HCK: variants seen among roughly 807,000 people sequenced by gnomAD.
HCK encodes tyrosine-protein kinase HCK.
Under a neutral mutation model 70.4 loss-of-function variants are expected in HCK, and 40 were observed. The ratio of observed to expected loss-of-function variants is 0.57; its 90% confidence interval spans 0.44 to 0.74. The LOEUF (loss-of-function observed/expected upper bound fraction) is 0.74. Among genes scored for constraint, HCK ranks in the 30% least tolerant of loss-of-function variants. The pLI is 0.00. For missense variants in HCK, 568 were observed against 697.2 expected (o/e 0.81, Z 2.09); for synonymous variants, 245 against 263.2 (o/e 0.93, Z 0.67).
chr20:32,071,547 G>A lies in HCK; in HGVS notation c.63-115G>A, dbSNP rs78139418. On this transcript the variant is annotated intron_variant, in intron 1 of 12. Transcript: ENST00000375852. The stretch of plus-strand genomic sequence containing the variant: ...TGGAGCTGGCAGGGGAGTTAAGACC[G>A]GGAAGGCCAGTGGGAGCCAGCCCGG... The A allele has an allele frequency of 4.4e-3, 5,851 of 1,336,092 alleles. 142 individuals carry two copies. In the African/African-American group the frequency reaches 0.053, roughly 12 times the overall value. 82.8% of individuals were successfully genotyped at this position (1,336,092 alleles called of 1,614,324 possible). A position where few individuals can be genotyped will look rare whatever the true frequency, so the allele number is the denominator to read the frequency against.
At chr20:32,088,188 G>A (rs2045816386) in intron 9 of HCK, among the ~76,000 whole-genome samples, 1 of 152,172 alleles carries the variant, frequency 6.6e-6, no homozygotes, top group East Asian at 1.9e-4. Flanking sequence ...TTACAGGAGT[G>A]AGCCTCGTGC....
Position 32,074,674 on chromosome 20 carries a change from C to T in HCK, c.381C>T (p.Tyr127=), listed in dbSNP as rs1205302783. 3 of 1,614,102 alleles carry T rather than the reference C, an allele frequency of 1.9e-6. No homozygotes were observed. The highest frequency in any genetic ancestry group is 1.7e-6 in the Non-Finnish European group (2 of 1,179,944). ...CCCTGGCCACCCGGAAGGAGGGCTA[C>T]ATCCCAAGCAACTATGTCGCCCGCG... is the stretch of plus-strand genomic sequence containing the variant. The change falls in exon 5 of 13, where the codon TAC becomes TAT. Residue 127 remains tyrosine (Y), a synonymous_variant. Coordinates refer to ENST00000375852, the MANE Select transcript of HCK (RefSeq NM_002110.5).
chr20:32,073,414 G>A (rs747886135), intron 3 of HCK, 53 bp downstream of exon 3: 19 of 1,453,130 alleles, frequency 1.3e-5, no homozygotes, highest in South Asian at 4.8e-5. Flanking sequence ...AGAGGACTCC[G>A]CTAGGTTCTC....
At chr20:32,080,168 A>G (rs2045688768) in intron 6 of HCK, among the ~76,000 whole-genome samples, 1 of 152,098 alleles carries the variant, frequency 6.6e-6, no homozygotes, top group South Asian at 2.1e-4. Context: ...ATCTTCACTG[A>G]CTTGTTTTTT....
At chr20:32,095,636 A>G (rs2045944433) in intron 11 of HCK, among the ~76,000 whole-genome samples, 1 of 152,186 alleles carries the variant, frequency 6.6e-6, no homozygotes, top group South Asian at 2.1e-4. Context: ...AGAAATGAGG[A>G]GTGACTTCTG....
intron 11 of HCK, among the ~76,000 whole-genome samples, chr20:32,098,536 G>C (rs1458625418): frequency 6.6e-6 from 1 of 152,180 alleles, no homozygotes; most frequent in African/African-American, 2.4e-5. Context: ...AGACTAGGTG[G>C]GAGGAAGGGC....
At position 32,094,178 on chromosome 20, in the gene HCK, C is replaced by T. The variant is rs543954404; in HGVS notation, c.1246+162C>T. ...TCCTTCTGGATAATGTCCTGAACTT[C>T]AGAGTCTCACTCAGAGATTTTGAGG... On this transcript the variant is annotated intron_variant, in intron 11 of 12. Coordinates refer to ENST00000375852, the MANE Select transcript of HCK (RefSeq NM_002110.5). Among the ~76,000 whole-genome samples the T allele has an allele frequency of 2.6e-5, 4 of 152,302 alleles. No homozygotes were observed. In the South Asian group the frequency reaches 8.3e-4, roughly 32 times the overall value.
At chr20:32,080,798 G>A (rs896847374) in intron 6 of HCK, among the ~76,000 whole-genome samples, 1 of 152,080 alleles carries the variant, frequency 6.6e-6, no homozygotes, top group Non-Finnish European at 1.5e-5. Context: ...AAAGTGTCAG[G>A]ATTGTTTTTG....
At chr20:32,096,554 T>G (rs1417700619) in intron 11 of HCK, among the ~76,000 whole-genome samples, 1 of 150,014 alleles carries the variant, frequency 6.7e-6, no homozygotes, top group Non-Finnish European at 1.5e-5. Flanking sequence ...CAGGCTGTAG[T>G]GGAGGGGTGA....
chr20:32,094,131 G>A, intron 11 of HCK, 115 bp downstream of exon 11: 3 of 954,608 alleles, frequency 3.1e-6, no homozygotes, highest in East Asian at 2.5e-5. Flanking sequence ...AGTACTAGCT[G>A]TGCATTCTTG....
chr20:32,075,258 T>C lies in HCK; in HGVS notation c.428+537T>C, dbSNP rs2045604805. 2.0e-5 allele frequency among the ~76,000 whole-genome samples: 3 copies of C among 152,010 alleles called. 1 individual carries two copies. In the South Asian group the frequency reaches 6.2e-4, roughly 31 times the overall value. On this transcript the variant is annotated intron_variant, in intron 5 of 12. Transcript: ENST00000375852. ...CCCAGGCTGGAATGCAGTAGCACCA[T>C]CACAGCTCACTTCAGCCTCAGCCTC...
At chr20:32,081,482 G>A (rs576972254) in intron 6 of HCK, among the ~76,000 whole-genome samples, 2 of 152,200 alleles carry the variant, frequency 1.3e-5, no homozygotes, top group Non-Finnish European at 2.9e-5. Context: ...ACAACTGCTT[G>A]ACTCAAATAA....
At chr20:32,093,786 C>G in intron 10 of HCK, 77 bp from the exon 11 acceptor site, 2 of 1,408,702 alleles carry the variant, frequency 1.4e-6, no homozygotes, top group Admixed American at 4.4e-5. Context: ...ACTTGAACAC[C>G]TCTCTGCTGC....
intron 1 of HCK, among the ~76,000 whole-genome samples, chr20:32,061,218 G>GAAA (rs2045369568): frequency 6.6e-6 from 1 of 152,172 alleles, no homozygotes; most frequent in Non-Finnish European, 1.5e-5. Context: ...TCCTGACCTT[G>GAAA]TGATTCGCCC....
chr20:32,094,821 GA>G (rs1257137205), intron 11 of HCK, among the ~76,000 whole-genome samples: 1 of 142,298 alleles, frequency 7.0e-6, no homozygotes, highest in African/African-American at 2.7e-5. Context: ...AAGAAAGAAA[GA>G]AAGAAAGAAA....
intron 10 of HCK, among the ~76,000 whole-genome samples, chr20:32,091,176 A>G (rs781193250): frequency 2.0e-5 from 3 of 152,212 alleles, no homozygotes; most frequent in Non-Finnish European, 2.9e-5. Context: ...TCCCTGCCCC[A>G]TCGAGCTCCT....
chr20:32,072,960 C>T (rs2045564721), intron 2 of HCK, among the ~76,000 whole-genome samples: 1 of 152,032 alleles, frequency 6.6e-6, no homozygotes, highest in South Asian at 2.1e-4. Context: ...ATTAGCCAGG[C>T]ATGGTGGCAT....
chr20:32,063,486 C>T (rs2045410317), intron 1 of HCK, among the ~76,000 whole-genome samples: 1 of 151,792 alleles, frequency 6.6e-6, no homozygotes, highest in South Asian at 2.1e-4. Flanking sequence ...GGGCTCAAAG[C>T]AATCCTCCCA....
intron 11 of HCK, among the ~76,000 whole-genome samples, chr20:32,095,679 T>C (rs1163007911): frequency 6.6e-6 from 1 of 152,142 alleles, no homozygotes; most frequent in East Asian, 1.9e-4. Flanking sequence ...GATGAAAGTA[T>C]TCTAAAATCC....
Sources: allele counts gnomAD v4.1 joint callset (sites outside exome capture counted in the v4.1 genomes callset), GRCh38; gene constraint gnomAD v4.1.1; transcripts MANE v1.5; gene names NCBI Gene and HGNC (gene_info 2026-07-23, HGNC 2026-07-21).